The following STIL variants were observed in gnomAD, a reference collection of about 807,000 sequenced individuals.
STIL encodes the protein STIL centriolar assembly protein, also known as SCL-interrupting locus protein.
Under a neutral mutation model 110.1 loss-of-function variants are expected in STIL, and 55 were observed. That is an observed-to-expected ratio of 0.50 (90% confidence interval 0.40 to 0.63). The LOEUF is 0.63. Ranked by LOEUF, STIL falls within the 20% of genes least tolerant of loss-of-function variation. The pLI, the probability that STIL is intolerant of heterozygous loss-of-function variation, is 0.00. For missense variants in STIL, 1,358 were observed against 1,530.0 expected, an observed-to-expected ratio of 0.89 and a Z score of 1.87; for synonymous variants, 481 against 530.0, an observed-to-expected ratio of 0.91 and a Z score of 1.27.
Position 47,293,573 on chromosome 1 carries a change from C to T in STIL, c.786-29G>A, listed in dbSNP as rs750600195. ...AAAGAAAAAGATAGAAATTAAAAACCATAGTCACTTACATATATAGCATAA... is the reference window on the plus strand; with the variant it reads ...AAAGAAAAAGATAGAAATTAAAAACTATAGTCACTTACATATATAGCATAA... On this transcript the variant is annotated intron_variant, in intron 7 of 16. Coordinates refer to ENST00000371877, the MANE Select transcript of STIL (RefSeq NM_001048166.1). The T allele has an allele frequency of 1.9e-6, 3 of 1,556,136 alleles. No homozygotes were observed. The South Asian group carries it at 3.3e-5, about 17-fold the overall frequency.
chr1:47,294,463 T>C (rs1645584118), intron 7 of STIL, among the ~76,000 whole-genome samples: 1 of 152,248 alleles, frequency 6.6e-6, no homozygotes, highest in Admixed American at 6.5e-5. Flanking sequence ...TTAACTCAGA[T>C]GGCTTGAGCC....
At chr1:47,306,755 CA>C (rs1645971832) in intron 2 of STIL, among the ~76,000 whole-genome samples, 1 of 152,090 alleles carries the variant, frequency 6.6e-6, no homozygotes, top group Non-Finnish European at 1.5e-5. Flanking sequence ...ACAAAGATGC[CA>C]GGGGCAGTGT....
chr1:47,303,810 T>G (rs1411322514), intron 3 of STIL, among the ~76,000 whole-genome samples: 1 of 152,246 alleles, frequency 6.6e-6, no homozygotes, highest in Non-Finnish European at 1.5e-5. Context: ...TCTTGTATCT[T>G]TCCTTCAGTT....
At chr1:47,289,144 T>C (rs1168381215) in intron 9 of STIL, among the ~76,000 whole-genome samples, 1 of 146,110 alleles carries the variant, frequency 6.8e-6, no homozygotes, top group Non-Finnish European at 1.5e-5. Context: ...AAGTATAAAA[T>C]GATATATGAA....
intron 2 of STIL, among the ~76,000 whole-genome samples, chr1:47,306,045 T>A (rs1407213221): frequency 6.6e-6 from 1 of 152,046 alleles, no homozygotes; most frequent in African/African-American, 2.4e-5. Context: ...AAATATTTTT[T>A]AAAAAAGAAA....
intron 16 of STIL, among the ~76,000 whole-genome samples, chr1:47,259,156 T>C (rs1644408698): frequency 6.6e-6 from 1 of 151,142 alleles, no homozygotes; most frequent in African/African-American, 2.4e-5. Context: ...TCAGCTAATT[T>C]TTTGTATTTT....
intron 3 of STIL, 39 bp from the exon 4 acceptor site, chr1:47,302,385 C>T: frequency 1.4e-6 from 2 of 1,480,626 alleles, no homozygotes; most frequent in Non-Finnish European, 1.9e-6. Flanking sequence ...TGGTAGACCT[C>T]ATATCTTAAA....
upstream of STIL, among the ~76,000 whole-genome samples, chr1:47,314,792 A>G (rs1414116150): frequency 6.6e-6 from 1 of 150,598 alleles, no homozygotes; most frequent in African/African-American, 2.5e-5. Context: ...ATGACGCGAT[A>G]TCGGCTCACC....
At chr1:47,270,816 C>T (rs77586267) in intron 13 of STIL, among the ~76,000 whole-genome samples, 10,316 of 151,732 alleles carry the variant, frequency 0.068, 598 homozygotes, top group East Asian at 0.3. Flanking sequence ...GTAGCTGGGA[C>T]TGCAGGTGTG....
At chr1:47,294,832 T>A (rs980950379) in intron 7 of STIL, among the ~76,000 whole-genome samples, 3 of 152,220 alleles carry the variant, frequency 2.0e-5, no homozygotes, top group African/African-American at 7.2e-5. Flanking sequence ...CCTGAGTTCT[T>A]TAGGGTGACT....
chr1:47,307,621 G>A (rs1570295036), intron 2 of STIL, among the ~76,000 whole-genome samples: 1 of 152,118 alleles, frequency 6.6e-6, no homozygotes, highest in Non-Finnish European at 1.5e-5. Context: ...TACACAAATT[G>A]TACAGCATGT....
chr1:47,310,127 C>A, intron 2 of STIL, 149 bp downstream of exon 2: 2 of 633,704 alleles, frequency 3.2e-6, no homozygotes, highest in Non-Finnish European at 2.7e-6. Context: ...TTAACTTGAT[C>A]ACGGTCACCC....
chr1:47,291,070 C>T (rs142244479), intron 8 of STIL, among the ~76,000 whole-genome samples: 100 of 152,102 alleles, frequency 6.6e-4, no homozygotes, highest in African/African-American at 2.3e-3. Flanking sequence ...ATTTAAATTG[C>T]AACTCTTGGC....
At chr1:47,281,315 A>T (rs1264069776) in intron 11 of STIL, 106 bp from the exon 12 acceptor site, 3 of 1,174,582 alleles carry the variant, frequency 2.6e-6, no homozygotes, top group Non-Finnish European at 3.5e-6. Context: ...TTACATATTA[A>T]CAAGTGTTCA....
chr1:47,270,211 C>A (rs1191681661), intron 13 of STIL, among the ~76,000 whole-genome samples: 1 of 135,384 alleles, frequency 7.4e-6, no homozygotes, highest in African/African-American at 2.8e-5. Context: ...GCATTCCAGC[C>A]TGGGCAACTC....
At chr1:47,278,077 G>A (rs945158174) in intron 12 of STIL, among the ~76,000 whole-genome samples, 1 of 152,094 alleles carries the variant, frequency 6.6e-6, no homozygotes, top group East Asian at 1.9e-4. Context: ...GGGTATCTTT[G>A]AACATTTAAA....
upstream of STIL, among the ~76,000 whole-genome samples, chr1:47,314,561 T>C (rs552585378): frequency 1.1e-4 from 17 of 152,308 alleles, no homozygotes; most frequent in African/African-American, 3.8e-4. Context: ...CCAAACTCTT[T>C]ACCTGAAAGC....
intron 10 of STIL, among the ~76,000 whole-genome samples, chr1:47,286,882 T>C (rs919674486): frequency 2.6e-5 from 4 of 152,038 alleles, no homozygotes; most frequent in Admixed American, 6.5e-5. Context: ...TTCTCACCTA[T>C]AAAATGGGAG....
At chr1:47,308,266 C>A (rs930761536) in intron 2 of STIL, among the ~76,000 whole-genome samples, 1 of 152,010 alleles carries the variant, frequency 6.6e-6, no homozygotes, top group African/African-American at 2.4e-5. Flanking sequence ...ATGTCTCCCC[C>A]GGAAGCCCAG....
Sources: gnomAD v4.1 joint callset for allele counts (sites outside exome capture counted in the v4.1 genomes callset) on GRCh38, gnomAD v4.1.1 for gene constraint, MANE v1.5 for transcripts, NCBI Gene and HGNC (gene_info 2026-07-23, HGNC 2026-07-21) for gene names.